Variants in EIPR1 observed in about 807,000 individuals in gnomAD.
EIPR1 encodes the protein EARP and GARP complex-interacting protein 1.
Under a neutral mutation model 48.1 loss-of-function variants are expected in EIPR1, and 25 were observed. The observed-to-expected ratio is 0.52, with a 90% confidence interval of 0.38 to 0.73. The LOEUF is 0.73. EIPR1 is among the 30% of genes least tolerant of loss of function. The probability of loss-of-function intolerance (pLI) is 0.00; values close to 1 mark genes in which losing one functional copy is unlikely to be tolerated. For missense variants in EIPR1, 415 were observed against 506.2 expected, an observed-to-expected ratio of 0.82 and a Z score of 1.73; for synonymous variants, 204 against 201.9, an observed-to-expected ratio of 1.01 and a Z score of -0.09.
intron 6 of EIPR1, among the ~76,000 whole-genome samples, chr2:3,195,331 C>T (rs917539942): frequency 2.0e-5 from 3 of 152,236 alleles, no homozygotes; most frequent in East Asian, 1.9e-4. Flanking sequence ...CCTTCCTCAC[C>T]GCAGGCCTCA....
At chr2:3,251,996 G>T (rs1667013402) in intron 4 of EIPR1, among the ~76,000 whole-genome samples, 1 of 152,170 alleles carries the variant, frequency 6.6e-6, no homozygotes, top group Non-Finnish European at 1.5e-5. Flanking sequence ...ATCTCTTGGG[G>T]CCATGGGAAA....
In EIPR1 at chr2:3,362,071, C is replaced by T. The variant is rs114692501; in HGVS notation, c.43-7438G>A. ...GTGCCCAGGCACATCCTAAACTGCCCGAGCCAGACCCGCACTAAGCGCCCC... is the reference window on the plus strand; with the variant it reads ...GTGCCCAGGCACATCCTAAACTGCCTGAGCCAGACCCGCACTAAGCGCCCC... On this transcript the variant is annotated intron_variant, in intron 1 of 8. Transcript: ENST00000382125. 1.4e-3 allele frequency among the ~76,000 whole-genome samples: 207 copies of T among 152,338 alleles called. 1 individual carries two copies. The highest frequency in any genetic ancestry group is 4.8e-3 in the African/African-American group (198 of 41,580).
chr2:3,253,267 CCT>C (rs1295582111), intron 4 of EIPR1, among the ~76,000 whole-genome samples: 3 of 152,134 alleles, frequency 2.0e-5, no homozygotes, highest in African/African-American at 7.2e-5. Flanking sequence ...AGTTGTCCCC[CCT>C]TTCTGGACCA....
At chr2:3,248,197 C>T (rs1169316391) in intron 4 of EIPR1, among the ~76,000 whole-genome samples, 1 of 152,094 alleles carries the variant, frequency 6.6e-6, no homozygotes, top group African/African-American at 2.4e-5. Context: ...CCTGTAATCC[C>T]AGAACTTTGG....
intron 6 of EIPR1, among the ~76,000 whole-genome samples, chr2:3,196,387 C>A (rs953720360): frequency 6.6e-6 from 1 of 152,184 alleles, no homozygotes; most frequent in Non-Finnish European, 1.5e-5. Context: ...ACGGAAAACT[C>A]GCTCTTATTT....
intron 3 of EIPR1, among the ~76,000 whole-genome samples, chr2:3,281,442 GT>G (rs766886364): frequency 3.9e-5 from 6 of 152,066 alleles, no homozygotes; most frequent in Non-Finnish European, 8.8e-5. Context: ...ACTTACATCT[GT>G]TTCATGAAAA....
Position 3,255,828 on chromosome 2 carries a change from C to T in EIPR1, c.416+1471G>A, listed in dbSNP as rs1483154698. 9.6e-4 allele frequency among the ~76,000 whole-genome samples: 8 copies of T among 8,364 alleles called. No individual in the cohort carries two copies. The Non-Finnish European group carries it at 0.024, about 25-fold the overall frequency. The allele number at this position is 8,364 out of a possible 152,430, so 5.5% of individuals were successfully genotyped here. ...ATTAACACATACACAAATGTGCACA[C>T]ATACGTGTGCACAGAGACACAAGCA... On this transcript the variant is annotated intron_variant, in intron 4 of 8. Transcript: ENST00000382125.
intron 4 of EIPR1, among the ~76,000 whole-genome samples, chr2:3,247,298 C>T (rs1480556096): frequency 6.6e-6 from 1 of 152,186 alleles, no homozygotes; most frequent in Non-Finnish European, 1.5e-5. Flanking sequence ...TTTGACGTTG[C>T]TTCCACTAGC....
chr2:3,228,584 G>A (rs1033986314), intron 4 of EIPR1, among the ~76,000 whole-genome samples: 3 of 152,200 alleles, frequency 2.0e-5, no homozygotes, highest in African/African-American at 4.8e-5. Flanking sequence ...ATGTGAGGAC[G>A]TAAGATCTGG....
Position 3,376,317 on chromosome 2 carries a change from G to C in EIPR1, c.42+1331C>G, listed in dbSNP as rs11887004. Among the ~76,000 whole-genome samples the C allele has an allele frequency of 4.1e-3, 622 of 152,238 alleles. 4 individuals carry two copies. The highest frequency in any genetic ancestry group is 0.014 in the African/African-American group (592 of 41,534). On this transcript the variant is annotated intron_variant, in intron 1 of 8. Transcript: ENST00000382125. ...AAGGTCACATAGTTAATAAGTGCTAGAGGCAGGATTTAAAACTTAGGTGTC... is the reference window on the plus strand; with the variant it reads ...AAGGTCACATAGTTAATAAGTGCTACAGGCAGGATTTAAAACTTAGGTGTC...
intron 5 of EIPR1, among the ~76,000 whole-genome samples, chr2:3,204,082 C>T (rs746131380): frequency 5.3e-5 from 8 of 152,206 alleles, no homozygotes; most frequent in African/African-American, 1.2e-4. Context: ...CAGACTAACA[C>T]GAGGCACTGA....
chr2:3,276,394 T>TA (rs1463717022), intron 3 of EIPR1, among the ~76,000 whole-genome samples: 1 of 152,202 alleles, frequency 6.6e-6, no homozygotes, highest in Non-Finnish European at 1.5e-5. Flanking sequence ...TCATGAAAAA[T>TA]ATTGCTTTTA....
At position 3,377,765 on chromosome 2, in the gene EIPR1, G is replaced by A; in HGVS notation, c.-76C>T. 6.5e-7 allele frequency: 1 copy of A among 1,527,622 alleles called. No homozygotes were observed. Among genetic ancestry groups the A allele is most frequent in the Non-Finnish European group, 8.9e-7 (1 of 1,128,848 alleles). The allele number at this position is 1,527,622 out of a possible 1,614,324, so 94.6% of individuals were successfully genotyped here. ...TACGGCCGGCGCGTCCCCACCTCGC[G>A]GGCGTGTTCCCAGCGCCCATTCATT... On this transcript the variant is annotated 5_prime_UTR_variant, in exon 1 of 9. Transcript: ENST00000382125.
At chr2:3,368,353 CATT>C (rs1177035253) in intron 1 of EIPR1, among the ~76,000 whole-genome samples, 1 of 152,250 alleles carries the variant, frequency 6.6e-6, no homozygotes, top group Non-Finnish European at 1.5e-5. Flanking sequence ...CCCAAGTCAT[CATT>C]GTCACCCACC....
chr2:3,305,769 A>G (rs1475925237), intron 3 of EIPR1, among the ~76,000 whole-genome samples: 1 of 152,100 alleles, frequency 6.6e-6, no homozygotes, highest in Admixed American at 6.5e-5. Flanking sequence ...GTTTCAACTC[A>G]CCCCTTTCAT....
intron 1 of EIPR1, among the ~76,000 whole-genome samples, chr2:3,369,320 T>A (rs1572491641): frequency 6.6e-6 from 1 of 151,974 alleles, no homozygotes; most frequent in Admixed American, 6.5e-5. Flanking sequence ...AGAAGACGGG[T>A]GATTTCTGCA....
intron 3 of EIPR1, among the ~76,000 whole-genome samples, chr2:3,262,994 G>T (rs528792512): frequency 6.6e-6 from 1 of 152,164 alleles, no homozygotes; most frequent in East Asian, 1.9e-4. Context: ...TCTCTGCCCC[G>T]GACCCTCCCT....
chr2:3,275,894 C>A (rs1667833346), intron 3 of EIPR1, among the ~76,000 whole-genome samples: 1 of 152,178 alleles, frequency 6.6e-6, no homozygotes, highest in Non-Finnish European at 1.5e-5. Context: ...AAATTGCTAC[C>A]ATGACAGCTG....
chr2:3,263,647 C>T (rs960676872), intron 3 of EIPR1, among the ~76,000 whole-genome samples: 1 of 152,022 alleles, frequency 6.6e-6, no homozygotes, highest in African/African-American at 2.4e-5. Flanking sequence ...CAGCGCCCTC[C>T]CCAGGAGGTG....
Sources: allele counts gnomAD v4.1 joint callset (sites outside exome capture counted in the v4.1 genomes callset), GRCh38; gene constraint gnomAD v4.1.1; transcripts MANE v1.5; gene names NCBI Gene and HGNC (gene_info 2026-07-23, HGNC 2026-07-21).